PHF24: variants seen among roughly 807,000 people sequenced by gnomAD.
The protein encoded by PHF24 is Galpha inhibitory interacting protein.
A neutral mutation model predicts 42.6 loss-of-function variants in PHF24; 25 were observed. The ratio of observed to expected loss-of-function variants is 0.59; its 90% CI spans 0.43 to 0.82. The LOEUF (loss-of-function observed/expected upper bound fraction) is 0.82, where lower values mean the gene tolerates loss of function less well. Ranked by LOEUF, PHF24 falls within the 40% of genes least tolerant of loss-of-function variation. PHF24 has a pLI of 0.00. For synonymous variants in PHF24, 185 were observed against 204.8 expected, an observed-to-expected ratio of 0.90 and a Z score of 0.83; for missense variants, 470 against 538.1, an observed-to-expected ratio of 0.87 and a Z score of 1.25.
the PHF24 span, chr9:34,709,213 A>G: frequency 2.1e-5 from 16 of 764,910 alleles, no homozygotes; most frequent in Admixed American, 5.3e-5. Context: ...CAGCTCAGCC[A>G]TGCAGGGTAG....
chr9:34,708,460 G>A, the PHF24 span, among the ~76,000 whole-genome samples: 1 of 152,188 alleles, frequency 6.6e-6, no homozygotes, highest in Non-Finnish European at 1.5e-5. Flanking sequence ...ACTGAATAGG[G>A]CTGAAGCAAG....
the PHF24 span, among the ~76,000 whole-genome samples, chr9:34,754,792 G>A: frequency 6.6e-6 from 1 of 152,146 alleles, no homozygotes; most frequent in East Asian, 1.9e-4. Flanking sequence ...CCAAGATTTG[G>A]AACCAACCTA....
At chr9:34,972,913 G>GAAAAA (rs141298768) in intron 3 of PHF24, among the ~76,000 whole-genome samples, 2 of 78,770 alleles carry the variant, frequency 2.5e-5, no homozygotes, top group Non-Finnish European at 4.5e-5. Context: ...ACTCTGTCTC[G>GAAAAA]AAAAAAAAAA....
At chr9:34,977,423 C>A in intron 6 of PHF24, 123 bp from the exon 7 acceptor site, 2 of 1,219,164 alleles carry the variant, frequency 1.6e-6, no homozygotes, top group Non-Finnish European at 2.3e-6. Context: ...GCCTTCAACT[C>A]GGTGTTGCCA....
the PHF24 span, among the ~76,000 whole-genome samples, chr9:34,772,817 T>C: frequency 6.6e-6 from 1 of 152,184 alleles, no homozygotes; most frequent in East Asian, 1.9e-4. Flanking sequence ...TATAACCTCA[T>C]GTTTAGCTTA....
chr9:34,700,710 A>T, the PHF24 span, among the ~76,000 whole-genome samples: 11 of 152,170 alleles, frequency 7.2e-5, no homozygotes, highest in Non-Finnish European at 1.5e-4. Context: ...ACTTAAAGGT[A>T]TGAGACAATG....
the PHF24 span, among the ~76,000 whole-genome samples, chr9:34,904,819 G>T: frequency 6.3e-4 from 84 of 133,530 alleles, 1 homozygote; most frequent in Non-Finnish European, 1.1e-3. Flanking sequence ...GCCTGTTCAG[G>T]GTACCTAATT....
the PHF24 span, among the ~76,000 whole-genome samples, chr9:34,886,265 A>AC: frequency 2.0e-5 from 3 of 150,380 alleles, no homozygotes; most frequent in Non-Finnish European, 3.0e-5. Flanking sequence ...TAAAAAAAAA[A>AC]AAAAAACTCC....
At chr9:34,824,623 G>A in the PHF24 span, among the ~76,000 whole-genome samples, 1 of 150,014 alleles carries the variant, frequency 6.7e-6, no homozygotes, top group Non-Finnish European at 1.5e-5. Flanking sequence ...GGCACTGCTG[G>A]CATTTAGAAT....
chr9:34,757,509 T>C, the PHF24 span, among the ~76,000 whole-genome samples: 7 of 152,204 alleles, frequency 4.6e-5, no homozygotes, highest in Admixed American at 2.6e-4. Context: ...TTCCTTGCTT[T>C]TTCATGTTTG....
the PHF24 span, among the ~76,000 whole-genome samples, chr9:34,905,519 T>C: frequency 1.3e-5 from 2 of 152,010 alleles, no homozygotes. Flanking sequence ...TATCTGAGAG[T>C]ATGTGGTATA....
chr9:34,861,520 C>G, the PHF24 span, among the ~76,000 whole-genome samples: 1 of 152,084 alleles, frequency 6.6e-6, no homozygotes, highest in Admixed American at 6.6e-5. Flanking sequence ...TCTAGAAGTA[C>G]TCAAAGAATC....
chr9:34,914,399 C>T, the PHF24 span, among the ~76,000 whole-genome samples: 1 of 152,110 alleles, frequency 6.6e-6, no homozygotes, highest in South Asian at 2.1e-4. Context: ...TCTCTTGTAC[C>T]TTGCATTATT....
chr9:34,917,304 AC>A, the PHF24 span: 1 of 980,094 alleles, frequency 1.0e-6, no homozygotes, highest in Non-Finnish European at 1.7e-6. Flanking sequence ...GCACTGCAAG[AC>A]CTGGACCCTG....
the PHF24 span, among the ~76,000 whole-genome samples, chr9:34,941,090 G>T: frequency 6.6e-6 from 1 of 152,216 alleles, no homozygotes; most frequent in Non-Finnish European, 1.5e-5. Context: ...GTCATTAGGA[G>T]TAAGGGTAAG....
the PHF24 span, chr9:34,917,708 G>GCT: frequency 3.8e-6 from 3 of 790,232 alleles, no homozygotes; most frequent in Non-Finnish European, 7.0e-6. Flanking sequence ...CATCGTGGAG[G>GCT]CTCATTACAG....
At chr9:34,824,155 A>G in the PHF24 span, among the ~76,000 whole-genome samples, 1 of 152,220 alleles carries the variant, frequency 6.6e-6, no homozygotes, top group Non-Finnish European at 1.5e-5. Context: ...TGGGAATTTC[A>G]GCTCAAGGGC....
the PHF24 span, among the ~76,000 whole-genome samples, chr9:34,762,120 G>A: frequency 3.7e-3 from 561 of 152,110 alleles, 19 homozygotes; most frequent in Admixed American, 0.033. Flanking sequence ...GGTTGGTTCC[G>A]AGTCTTTGCT....
the PHF24 span, chr9:34,690,460 G>GTGTGTC: frequency 1.1e-6 from 1 of 949,354 alleles, no homozygotes; most frequent in African/African-American, 1.6e-5. Context: ...GTGTGTGTGT[G>GTGTGTC]TGTGTGTGTC....
Sources: gnomAD v4.1 joint callset for allele counts (sites outside exome capture counted in the v4.1 genomes callset) on GRCh38, gnomAD v4.1.1 for gene constraint, MANE v1.5 for transcripts, NCBI Gene and HGNC (gene_info 2026-07-23, HGNC 2026-07-21) for gene names.